ATP6V0E1: variants seen among roughly 807,000 people sequenced by gnomAD.
ATP6V0E1 encodes the protein ATPase H+ transporting V0 subunit e1, also known as V-type proton ATPase subunit e 1.
A neutral mutation model predicts 11.6 loss-of-function variants in ATP6V0E1; 4 were observed. That is an observed-to-expected ratio of 0.35 (90% CI 0.17 to 0.79). The LOEUF (loss-of-function observed/expected upper bound fraction) is 0.79, where lower values mean the gene tolerates loss of function less well. Ranked by LOEUF, ATP6V0E1 falls within the 30% of genes least tolerant of loss-of-function variation. The probability of loss-of-function intolerance (pLI) is 0.54; values close to 1 mark genes in which losing one functional copy is unlikely to be tolerated. For missense variants in ATP6V0E1, 105 were observed against 100.0 expected (o/e 1.05, Z -0.21); for synonymous variants, 36 against 34.8 (o/e 1.04, Z -0.13).
At position 172,983,922 on chromosome 5, in the gene ATP6V0E1, G is replaced by C; in HGVS notation, c.62G>C (p.Gly21Ala). The C allele has an allele frequency of 6.2e-7, 1 of 1,613,276 alleles. No individual in the cohort carries two copies. The highest frequency in any genetic ancestry group is 8.5e-7 in the Non-Finnish European group (1 of 1,179,822). ...IVMSVFWGFV[G>A]FLVPWFIPKG... Reference sequence around the variant, plus strand: ...ATGAGCGTGTTCTGGGGCTTCGTCGGCTTCTTGGTGCCTTGGTTCATCCCT... The same window carrying C: ...ATGAGCGTGTTCTGGGGCTTCGTCGCCTTCTTGGTGCCTTGGTTCATCCCT... Residue 21 changes from glycine to alanine, a missense_variant, in exon 1 of 4, where the codon GGC (glycine) becomes GCC (alanine). Gly to Ala is a moderately conservative substitution (Grantham distance 60). Transcript: ENST00000519374.
intron 2 of ATP6V0E1, among the ~76,000 whole-genome samples, chr5:173,014,111 A>G (rs1756368897): frequency 6.6e-6 from 1 of 151,286 alleles, no homozygotes; most frequent in African/African-American, 2.4e-5. Context: ...CAGTGAGCCA[A>G]GATCGTGCCA....
At chr5:173,030,184 A>G (rs1465578974) in intron 3 of ATP6V0E1, among the ~76,000 whole-genome samples, 2 of 152,026 alleles carry the variant, frequency 1.3e-5, no homozygotes, top group Non-Finnish European at 2.9e-5. Flanking sequence ...TTAGCTCTCC[A>G]GTTTTTGCCA....
At chr5:173,013,659 A>G (rs937637322) in intron 2 of ATP6V0E1, among the ~76,000 whole-genome samples, 4 of 152,122 alleles carry the variant, frequency 2.6e-5, no homozygotes, top group Admixed American at 2.6e-4. Flanking sequence ...ACTAAGATCC[A>G]GAATATATAA....
At chr5:172,985,012 C>G (rs1375576729) in intron 1 of ATP6V0E1, among the ~76,000 whole-genome samples, 1 of 152,082 alleles carries the variant, frequency 6.6e-6, no homozygotes, top group African/African-American at 2.4e-5. Flanking sequence ...TTTGGGAGGC[C>G]AAGGCGGGCG....
intron 2 of ATP6V0E1, among the ~76,000 whole-genome samples, chr5:173,000,701 A>ATTTT (rs34202828): frequency 1.4e-5 from 2 of 139,972 alleles, no homozygotes; most frequent in African/African-American, 5.3e-5. Context: ...ATTATCAGTG[A>ATTTT]TTTTTTTTTT....
chr5:172,993,479 C>T (rs1011935959), intron 1 of ATP6V0E1, among the ~76,000 whole-genome samples: 1 of 151,996 alleles, frequency 6.6e-6, no homozygotes, highest in African/African-American at 2.4e-5. Context: ...GCACTCCAGC[C>T]TGGATGACAG....
chr5:173,024,985 G>A lies in ATP6V0E1; in HGVS notation c.*36+4618G>A, dbSNP rs2113612136. On this transcript the variant is annotated intron_variant, in intron 3 of 3. Coordinates refer to ENST00000519374, the MANE Select transcript of ATP6V0E1 (RefSeq NM_003945.4). ...AGCCTCCCAAGTAGCTGGGATTACA[G>A]GTGTGCGCCACCACGCCTGGCTAAT... Among the ~76,000 whole-genome samples the A allele has an allele frequency of 2.0e-5, 3 of 150,810 alleles. No individual in the cohort carries two copies. In the South Asian group the frequency reaches 6.3e-4, roughly 32 times the overall value.
Position 172,986,482 on chromosome 5 carries a change from G to A in ATP6V0E1, c.104+2518G>A, listed in dbSNP as rs561173151. On this transcript the variant is annotated intron_variant, in intron 1 of 3. Coordinates refer to ENST00000519374, the MANE Select transcript of ATP6V0E1 (RefSeq NM_003945.4). ...AAAAAAATTTTTTTTAATTAGTTGG[G>A]TATGGTGGTGCACACCTGTGGTCCT... Among the ~76,000 whole-genome samples, 24 of 152,144 alleles carry A rather than the reference G, an allele frequency of 1.6e-4. No individual in the cohort carries two copies. In the South Asian group the frequency reaches 1.7e-3, roughly 11 times the overall value.
intron 1 of ATP6V0E1, among the ~76,000 whole-genome samples, chr5:172,994,198 AGAT>A (rs1756028159): frequency 6.6e-6 from 1 of 152,176 alleles, no homozygotes; most frequent in African/African-American, 2.4e-5. Context: ...CATGGACAAA[AGAT>A]GATGGATGTG....
intron 2 of ATP6V0E1, among the ~76,000 whole-genome samples, chr5:172,999,322 CT>C (rs796147425): frequency 2.8e-3 from 419 of 147,202 alleles, no homozygotes; most frequent in African/African-American, 8.6e-3. Flanking sequence ...TGTATTTCCA[CT>C]TTTTTTTTTT....
intron 2 of ATP6V0E1, among the ~76,000 whole-genome samples, chr5:173,010,393 A>G (rs944751591): frequency 2.0e-5 from 3 of 152,206 alleles, no homozygotes; most frequent in African/African-American, 4.8e-5. Flanking sequence ...TGCATAGAGC[A>G]CTTTACTTAT....
chr5:173,027,465 G>T (rs1282826912), intron 3 of ATP6V0E1, among the ~76,000 whole-genome samples: 1 of 151,386 alleles, frequency 6.6e-6, no homozygotes, highest in Non-Finnish European at 1.5e-5. Flanking sequence ...TCGTGCCACT[G>T]CACTCCAGCC....
At chr5:172,986,069 T>C (rs1755892425) in intron 1 of ATP6V0E1, among the ~76,000 whole-genome samples, 1 of 152,212 alleles carries the variant, frequency 6.6e-6, no homozygotes, top group African/African-American at 2.4e-5. Context: ...TTTAAAATGG[T>C]CCACCTGTGT....
Position 173,020,241 on chromosome 5 carries a change from G to T in ATP6V0E1, c.156G>T (p.Trp52Cys). The T allele has an allele frequency of 2.5e-6, 4 of 1,611,750 alleles. No individual in the cohort carries two copies. The highest frequency in any genetic ancestry group is 1.7e-4 in the Middle Eastern group (1 of 6,052). The change falls in exon 3 of 4, where the codon TGG becomes TGT. Residue 52 changes from tryptophan to cysteine, a missense_variant. By Grantham distance (215) the Trp-to-Cys change is radical (BLOSUM62 -2). Transcript: ENST00000519374. ...TTCTCTCCCATCCTTCTTTTAGTTGGCTGATTGCAATTCTGGCCCAACTCA... is the reference window on the plus strand; with the variant it reads ...TTCTCTCCCATCCTTCTTTTAGTTGTCTGATTGCAATTCTGGCCCAACTCA... ...VTCSVCCYLF[W>C]LIAILAQLNP...
intron 3 of ATP6V0E1, among the ~76,000 whole-genome samples, chr5:173,023,071 G>A (rs1002773152): frequency 1.3e-5 from 2 of 151,068 alleles, no homozygotes; most frequent in African/African-American, 4.9e-5. Context: ...TGCCTAAGTT[G>A]GTCTCAAACT....
intron 1 of ATP6V0E1, among the ~76,000 whole-genome samples, chr5:172,991,208 ATTG>A (rs1755973389): frequency 6.6e-6 from 1 of 152,186 alleles, no homozygotes. Flanking sequence ...AGACTCAGTC[ATTG>A]TTTAACGTAT....
intron 2 of ATP6V0E1, among the ~76,000 whole-genome samples, chr5:173,004,199 T>C (rs1026717886): frequency 2.0e-5 from 3 of 152,134 alleles, no homozygotes; most frequent in Non-Finnish European, 2.9e-5. Context: ...TGGGAAAGCA[T>C]GGAGGGATCA....
At chr5:172,987,318 CTT>C (rs1344015841) in intron 1 of ATP6V0E1, 4 of 149,478 alleles carry the variant, frequency 2.7e-5, no homozygotes, top group African/African-American at 7.4e-5. Context: ...GACTCTCACT[CTT>C]TTGTCCAGGC....
At chr5:172,985,937 C>G (rs1755890924) in intron 1 of ATP6V0E1, among the ~76,000 whole-genome samples, 1 of 152,222 alleles carries the variant, frequency 6.6e-6, no homozygotes, top group African/African-American at 2.4e-5. Context: ...CCTGTTGCCT[C>G]TAGGTAGGCT....
Sources: gnomAD v4.1 joint callset for allele counts (sites outside exome capture counted in the v4.1 genomes callset) on GRCh38, gnomAD v4.1.1 for gene constraint, MANE v1.5 for transcripts, NCBI Gene and HGNC (gene_info 2026-07-23, HGNC 2026-07-21) for gene names.